Variants in DOCK8 observed in about 807,000 individuals in gnomAD.
The protein encoded by DOCK8 is dedicator of cytokinesis 8.
In DOCK8, 141 loss-of-function variants were observed where a neutral mutation model predicts 245.6. That is an observed-to-expected ratio of 0.57 (90% CI 0.50 to 0.66). The LOEUF is 0.66. Among genes scored for constraint, DOCK8 ranks in the 30% least tolerant of loss-of-function variants. The probability of loss-of-function intolerance (pLI) is 0.00; values close to 1 mark genes in which losing one functional copy is unlikely to be tolerated. For synonymous variants in DOCK8, 1,168 were observed against 970.2 expected (o/e 1.20, Z -3.79); for missense variants, 2,965 against 2,603.4 (o/e 1.14, Z -3.02).
At chr9:257,899 G>A (rs1198469661) in intron 1 of DOCK8, among the ~76,000 whole-genome samples, 1 of 152,216 alleles carries the variant, frequency 6.6e-6, no homozygotes, top group East Asian at 1.9e-4. Context: ...CTGATAGTCT[G>A]CATTTCTAGC....
chr9:272,961 T>C, intron 2 of DOCK8: 3 of 830,470 alleles, frequency 3.6e-6, no homozygotes, highest in Non-Finnish European at 4.4e-6. Flanking sequence ...TTGAAGAGGT[T>C]AGGTTACTTT....
At chr9:293,636 A>G (rs1345240716) in intron 4 of DOCK8, among the ~76,000 whole-genome samples, 2 of 152,180 alleles carry the variant, frequency 1.3e-5, no homozygotes, top group African/African-American at 4.8e-5. Context: ...CCCTTTGGGG[A>G]GACAAAGTTT....
chr9:406,855 C>T, intron 27 of DOCK8, 75 bp from the exon 28 acceptor site: 1 of 1,602,248 alleles, frequency 6.2e-7, no homozygotes, highest in Non-Finnish European at 8.5e-7. Context: ...GGGGCGAGGA[C>T]TCAGTAAACA....
chr9:450,726 G>GA (rs879541444), intron 45 of DOCK8, among the ~76,000 whole-genome samples: 7 of 149,806 alleles, frequency 4.7e-5, no homozygotes, highest in East Asian at 1.9e-4. Context: ...CCAAGATCAG[G>GA]AAAAAAAAAT....
At chr9:289,146 AT>A (rs2048938783) in intron 3 of DOCK8, among the ~76,000 whole-genome samples, 1 of 152,186 alleles carries the variant, frequency 6.6e-6, no homozygotes. Context: ...TGCATAAAAA[AT>A]ATGTCCAAAT....
intron 16 of DOCK8, among the ~76,000 whole-genome samples, chr9:370,517 G>A (rs905225270): frequency 6.6e-6 from 1 of 152,180 alleles, no homozygotes; most frequent in Non-Finnish European, 1.5e-5. Flanking sequence ...ATCCAATATA[G>A]TTTTGACTTT....
At chr9:357,627 G>A (rs1484025259) in intron 14 of DOCK8, among the ~76,000 whole-genome samples, 2 of 151,996 alleles carry the variant, frequency 1.3e-5, no homozygotes, top group Non-Finnish European at 2.9e-5. Context: ...TGCTGTTTGT[G>A]AGGGGTGTAG....
At chr9:225,986 A>C (rs756332250) in intron 1 of DOCK8, among the ~76,000 whole-genome samples, 2 of 152,230 alleles carry the variant, frequency 1.3e-5, no homozygotes, top group African/African-American at 2.4e-5. Flanking sequence ...GCAAAGAACG[A>C]ATCACATAAA....
rs112070487 is a variant in DOCK8 at position 338,944 on chromosome 9, G to A, written c.1423-62G>A. ...AAAGGTAAAAATCTTCCCAGAAATC[G>A]TTTGTCCCCAACCCAAGAGTCAAAG... On this transcript the variant is annotated intron_variant, in intron 12 of 47. Transcript: ENST00000432829. The A allele has an allele frequency of 4.9e-5, 69 of 1,417,682 alleles. No homozygotes were observed. The African/African-American group carries it at 5.5e-4, about 11-fold the overall frequency. 87.8% of individuals were successfully genotyped at this position (1,417,682 alleles called of 1,614,324 possible). A position where few individuals can be genotyped will look rare whatever the true frequency, so the allele number is the denominator to read the frequency against.
chr9:420,013 A>G (rs2056208306), intron 30 of DOCK8: 1 of 311,848 alleles, frequency 3.2e-6, no homozygotes, highest in East Asian at 7.7e-5. Context: ...TCTGCTGCCC[A>G]GCACGAAGGA....
chr9:361,559 A>T (rs2052731729), intron 14 of DOCK8, among the ~76,000 whole-genome samples: 1 of 152,192 alleles, frequency 6.6e-6, no homozygotes, highest in Admixed American at 6.5e-5. Context: ...AGCATTTTGC[A>T]ATTTTTTTGA....
intron 1 of DOCK8, among the ~76,000 whole-genome samples, chr9:238,680 A>G (rs753678665): frequency 1.3e-5 from 2 of 152,242 alleles, no homozygotes; most frequent in African/African-American, 2.4e-5. Context: ...ACAAGAGTTA[A>G]GTTCCAGTAC....
chr9:251,972 CTTT>C (rs34456943), intron 1 of DOCK8, among the ~76,000 whole-genome samples: 41,534 of 130,164 alleles, frequency 0.32, 6,270 homozygotes, highest in East Asian at 0.38. Context: ...ATTGTGTTTT[CTTT>C]TTTTTTTTTT....
rs180853736 is a variant in DOCK8, at chr9:260,544, C to A, written c.54-11083C>A. On this transcript the variant is annotated intron_variant, in intron 1 of 47. Transcript: ENST00000432829. ...GGTAAAATACTCTGAAGGACTAATA[C>A]ACAAACACTTTCACCCAGCAATTCC... Among the ~76,000 whole-genome samples the A allele has an allele frequency of 6.8e-3, 1,042 of 152,272 alleles. 13 individuals are homozygous for A. Among genetic ancestry groups the A allele is most frequent in the African/African-American group, 0.024 (1,008 of 41,540 alleles).
intron 1 of DOCK8, among the ~76,000 whole-genome samples, chr9:216,778 A>T (rs1045915703): frequency 6.6e-6 from 1 of 152,030 alleles, no homozygotes; most frequent in African/African-American, 2.4e-5. Flanking sequence ...GTTAGAAACT[A>T]TGGGGTTGGG....
chr9:437,327 T>A (rs1388572283), intron 39 of DOCK8, among the ~76,000 whole-genome samples: 2 of 152,180 alleles, frequency 1.3e-5, no homozygotes, highest in Admixed American at 1.3e-4. Context: ...CACCACAGTT[T>A]AGGTTTACAT....
At chr9:354,365 A>G (rs1410909269) in intron 14 of DOCK8, among the ~76,000 whole-genome samples, 2 of 152,194 alleles carry the variant, frequency 1.3e-5, no homozygotes, top group Non-Finnish European at 2.9e-5. Context: ...AGGAGGTCCA[A>G]TTGAGGCAGA....
intron 30 of DOCK8, 93 bp from the exon 31 acceptor site, chr9:420,306 CTT>C (rs2056221182): frequency 2.2e-6 from 3 of 1,342,880 alleles, no homozygotes; most frequent in Non-Finnish European, 3.2e-6. Context: ...TAAGAGAACA[CTT>C]TGAATTTTTC....
chr9:215,315 C>T, intron 1 of DOCK8: 4 of 1,605,172 alleles, frequency 2.5e-6, no homozygotes, highest in Non-Finnish European at 3.4e-6. Flanking sequence ...GCTCCGCCCT[C>T]CAGGTTCTTA....
Sources: allele counts gnomAD v4.1 joint callset (sites outside exome capture counted in the v4.1 genomes callset), GRCh38; gene constraint gnomAD v4.1.1; transcripts MANE v1.5; gene names NCBI Gene and HGNC (gene_info 2026-07-23, HGNC 2026-07-21).